Variants in PCDHGA2 observed in about 807,000 individuals in gnomAD.
PCDHGA2 encodes protocadherin gamma-A2.
Under a neutral mutation model 59.2 loss-of-function variants are expected in PCDHGA2, and 40 were observed. The ratio of observed to expected loss-of-function variants is 0.68; its 90% confidence interval spans 0.52 to 0.88. The LOEUF is 0.88. Ranked by LOEUF, PCDHGA2 falls within the 40% of genes least tolerant of loss-of-function variation. PCDHGA2 has a pLI of 0.00. For missense variants in PCDHGA2, 1,226 were observed against 1,204.0 expected, an observed-to-expected ratio of 1.02 and a Z score of -0.27; for synonymous variants, 560 against 526.0, an observed-to-expected ratio of 1.06 and a Z score of -0.89.
intron 1 of PCDHGA2, chr5:141,423,925 T>C (rs17097293): frequency 0.23 from 286,429 of 1,244,544 alleles, 36,355 homozygotes; most frequent in African/African-American, 0.51. Flanking sequence ...ACTATGCTGG[T>C]TTGGTTTGAA....
intron 1 of PCDHGA2, chr5:141,415,646 A>G: frequency 6.2e-7 from 1 of 1,600,190 alleles, no homozygotes; most frequent in South Asian, 1.1e-5. Context: ...TTTGTTAAAA[A>G]AAAAAAGATT....
At chr5:141,480,695 C>T (rs2099523656) in intron 1 of PCDHGA2, among the ~76,000 whole-genome samples, 2 of 152,146 alleles carry the variant, frequency 1.3e-5, no homozygotes, top group African/African-American at 4.8e-5. Context: ...GAAACCCAGG[C>T]CACACCCCGA....
At chr5:141,361,235 C>T (rs1178694648) in intron 1 of PCDHGA2, 2 of 1,613,774 alleles carry the variant, frequency 1.2e-6, no homozygotes, top group African/African-American at 1.3e-5. Flanking sequence ...ACAGTGATCG[C>T]CTTGATAAAA....
intron 1 of PCDHGA2, chr5:141,366,940 C>A: frequency 1.2e-6 from 1 of 819,898 alleles, no homozygotes; most frequent in Non-Finnish European, 1.8e-6. Context: ...GGAAGTCTAG[C>A]TGATATCTGT....
intron 1 of PCDHGA2, chr5:141,426,745 A>G (rs866203428): frequency 6.2e-5 from 28 of 454,130 alleles, no homozygotes; most frequent in Middle Eastern, 6.5e-4. Context: ...TTTGGCCTGG[A>G]ATCTGCTATA....
intron 1 of PCDHGA2, among the ~76,000 whole-genome samples, chr5:141,492,421 C>G (rs986772215): frequency 5.9e-5 from 9 of 152,250 alleles, no homozygotes; most frequent in African/African-American, 1.9e-4. Context: ...CTCCCTCCGC[C>G]GGGCTCAGGA....
At chr5:141,420,024 C>T (rs2096459407) in intron 1 of PCDHGA2, 1 of 1,614,088 alleles carries the variant, frequency 6.2e-7, no homozygotes, top group Non-Finnish European at 8.5e-7. Context: ...TTCAGCCCTA[C>T]TGCAGGAGAC....
intron 2 of PCDHGA2, among the ~76,000 whole-genome samples, chr5:141,503,800 C>T (rs756250566): frequency 1.3e-5 from 2 of 151,994 alleles, no homozygotes; most frequent in South Asian, 2.1e-4. Flanking sequence ...TACTTAGGGA[C>T]GGGGAATCCC....
intron 1 of PCDHGA2, chr5:141,419,864 C>A (rs1282571542): frequency 6.2e-7 from 1 of 1,613,966 alleles, no homozygotes; most frequent in Non-Finnish European, 8.5e-7. Context: ...AGATAGCTTG[C>A]AAGAGGTACT....
chr5:141,389,204 T>G, intron 1 of PCDHGA2: 6 of 1,613,894 alleles, frequency 3.7e-6, no homozygotes, highest in Non-Finnish European at 5.1e-6. Context: ...CCCTGCACAT[T>G]GGTGATGTAA....
chr5:141,510,791 A>C (rs1244085822), intron 3 of PCDHGA2, 156 bp from the exon 4 acceptor site: 1 of 929,250 alleles, frequency 1.1e-6, no homozygotes, highest in Non-Finnish European at 1.3e-6. Context: ...AACTCTTGTG[A>C]AGAGAGACTA....
At chr5:141,492,637 C>T (rs2099742781) in intron 1 of PCDHGA2, among the ~76,000 whole-genome samples, 1 of 152,260 alleles carries the variant, frequency 6.6e-6, no homozygotes, top group South Asian at 2.1e-4. Context: ...CTCTACGATC[C>T]TTGGGCCAGA....
At chr5:141,410,847 G>GTT (rs773839667) in intron 1 of PCDHGA2, 4 of 158,332 alleles carry the variant, frequency 2.5e-5, no homozygotes, top group South Asian at 1.1e-4. Flanking sequence ...TTTTGTCTTT[G>GTT]TCTTTTTTTT....
Position 141,487,295 on chromosome 5 carries a change from T to C in PCDHGA2, c.2425-7512T>C, listed in dbSNP as rs2099642474. The C allele has an allele frequency of 5.6e-6, 9 of 1,614,164 alleles. No individual in the cohort carries two copies. In the East Asian group the frequency reaches 1.3e-4, roughly 24 times the overall value. ...AATTTGCTTTGTCTCCTTTGGCTCA[T>C]TCGTGGCACTACTCTCTAAGTGTCT... On this transcript the variant is annotated intron_variant, in intron 1 of 3. Transcript: ENST00000394576. This position sits in a 1 kb window ranked among gnomAD's most constrained non-coding sequence, Gnocchi z 5.0.
At chr5:141,365,429 G>T (rs781264093) in intron 1 of PCDHGA2, 7 of 1,613,990 alleles carry the variant, frequency 4.3e-6, no homozygotes, top group Non-Finnish European at 4.2e-6. Flanking sequence ...AACTGTAATC[G>T]CGCTGTTTAG....
At chr5:141,433,204 C>A in intron 1 of PCDHGA2, 1 of 1,566,946 alleles carries the variant, frequency 6.4e-7, no homozygotes, top group Non-Finnish European at 8.6e-7. Flanking sequence ...ATCAAATCTT[C>A]TTTCTTTTTT....
Position 141,350,495 on chromosome 5 carries a change from G to A in PCDHGA2, c.2424+9100G>A, listed in dbSNP as rs1406977700. Reference sequence around the variant, plus strand: ...TTATTTCAACGTTAGTTTGGAGAGCGGGGATTTGTTAGTGAACGGTAGGAT... The same window carrying A: ...TTATTTCAACGTTAGTTTGGAGAGCAGGGATTTGTTAGTGAACGGTAGGAT... On this transcript the variant is annotated intron_variant, in intron 1 of 3. Coordinates refer to ENST00000394576, the MANE Select transcript of PCDHGA2 (RefSeq NM_018915.4). 2.5e-6 allele frequency: 4 copies of A among 1,613,908 alleles called. No individual in the cohort carries two copies. The highest frequency in any genetic ancestry group is 2.7e-5 in the African/African-American group (2 of 74,912).
In PCDHGA2 at chr5:141,489,906, C is replaced by T. The variant is rs550717535; in HGVS notation, c.2425-4901C>T. On this transcript the variant is annotated intron_variant, in intron 1 of 3. Transcript: ENST00000394576. The surrounding 1 kb of genome is among the most constrained non-coding windows in gnomAD (Gnocchi z 4.5). ...CTGTGGATGGGGGGACCCCAGCCCG[C>T]TCAGGGACCACCCTTATCTCTGTCA... 4.5e-5 allele frequency: 72 copies of T among 1,614,234 alleles called. No individual in the cohort carries two copies. In the African/African-American group the frequency reaches 5.6e-4, roughly 13 times the overall value.
chr5:141,371,696 C>G lies in PCDHGA2; in HGVS notation c.2424+30301C>G, dbSNP rs746156642. 4.3e-6 allele frequency: 7 copies of G among 1,614,058 alleles called. 1 individual carries two copies. The South Asian group carries it at 7.7e-5, about 18-fold the overall frequency. On this transcript the variant is annotated intron_variant, in intron 1 of 3. Transcript: ENST00000394576. ...ACAAAGGCAATCCACCGCTCTCCTCCAGCAAGACCATCACTCTGCACATCC... is the reference window on the plus strand; with the variant it reads ...ACAAAGGCAATCCACCGCTCTCCTCGAGCAAGACCATCACTCTGCACATCC...
Sources: allele counts gnomAD v4.1 joint callset (sites outside exome capture counted in the v4.1 genomes callset), GRCh38; gene constraint gnomAD v4.1.1; non-coding constraint Gnocchi (gnomAD v3.1); transcripts MANE v1.5; gene names NCBI Gene and HGNC (gene_info 2026-07-23, HGNC 2026-07-21).